Variants in SLC18A2 observed in about 807,000 individuals in gnomAD.
SLC18A2 encodes the protein solute carrier family 18 member A2.
SLC18A2 carries 33 observed loss-of-function variants against 59.2 expected under a neutral mutation model. That is an observed-to-expected ratio of 0.56 (90% CI 0.42 to 0.75). SLC18A2 has a LOEUF of 0.75. Ranked by LOEUF, SLC18A2 falls within the 30% of genes least tolerant of loss-of-function variation. The probability of loss-of-function intolerance (pLI) is 0.00; values close to 1 mark genes in which losing one functional copy is unlikely to be tolerated. For synonymous variants in SLC18A2, 228 were observed against 253.5 expected (o/e 0.90, Z 0.95); for missense variants, 569 against 668.6 (o/e 0.85, Z 1.64).
chr10:117,264,424 C>T (rs899178747), intron 10 of SLC18A2, among the ~76,000 whole-genome samples: 3 of 152,152 alleles, frequency 2.0e-5, no homozygotes, highest in Non-Finnish European at 2.9e-5. Flanking sequence ...TGCACTAAGC[C>T]GAGATCGTGC....
intron 3 of SLC18A2, among the ~76,000 whole-genome samples, chr10:117,250,383 C>A (rs1844149518): frequency 6.6e-6 from 1 of 152,186 alleles, no homozygotes; most frequent in Non-Finnish European, 1.5e-5. Context: ...TCAGCTTTCT[C>A]ATCTAAGGTG....
At chr10:117,259,705 A>G (rs1266818286) in intron 10 of SLC18A2, among the ~76,000 whole-genome samples, 2 of 152,092 alleles carry the variant, frequency 1.3e-5, no homozygotes, top group African/African-American at 4.8e-5. Flanking sequence ...GCTGTGGGGG[A>G]GGCCAGTGTT....
At chr10:117,259,722 A>G (rs943868190) in intron 10 of SLC18A2, among the ~76,000 whole-genome samples, 2 of 152,178 alleles carry the variant, frequency 1.3e-5, no homozygotes, top group South Asian at 4.1e-4. Context: ...TGTTGCCCTC[A>G]TTCCTGAGCC....
intron 10 of SLC18A2, among the ~76,000 whole-genome samples, chr10:117,262,766 C>T (rs1011982055): frequency 2.6e-5 from 4 of 151,944 alleles, no homozygotes; most frequent in African/African-American, 9.7e-5. Flanking sequence ...ACCTCCTGGG[C>T]TCAAGCTGTC....
Position 117,254,558 on chromosome 10 carries a change from G to A in SLC18A2, c.700+61G>A, listed in dbSNP as rs975014030. On this transcript the variant is annotated intron_variant, in intron 6 of 15. Coordinates refer to ENST00000644641, the MANE Select transcript of SLC18A2 (RefSeq NM_003054.6). Reference sequence around the variant, plus strand: ...GGGGCCTGCCTGGTGCTGGACAGCGGCAGTCCTCGCCCAGTGACCCTGGCG... The same window carrying A: ...GGGGCCTGCCTGGTGCTGGACAGCGACAGTCCTCGCCCAGTGACCCTGGCG... 55 of 1,263,432 alleles carry A rather than the reference G, an allele frequency of 4.4e-5. No homozygotes were observed. In the East Asian group the frequency reaches 4.5e-4, roughly 10 times the overall value. 78.3% of individuals were successfully genotyped at this position (1,263,432 alleles called of 1,614,324 possible). A position where few individuals can be genotyped will look rare whatever the true frequency, so the allele number is the denominator to read the frequency against.
intron 3 of SLC18A2, among the ~76,000 whole-genome samples, chr10:117,246,742 T>G (rs1050955063): frequency 1.3e-5 from 2 of 152,098 alleles, no homozygotes; most frequent in Non-Finnish European, 2.9e-5. Flanking sequence ...AACCTCCACC[T>G]CCTGGGTTCA....
chr10:117,250,254 G>A (rs574942205), intron 3 of SLC18A2, among the ~76,000 whole-genome samples: 1 of 152,298 alleles, frequency 6.6e-6, no homozygotes, highest in South Asian at 2.1e-4. Flanking sequence ...GGCTTGGCCT[G>A]TGTTGAAAGT....
rs1844521535 is a variant in SLC18A2, at chr10:117,277,826, T to G, written c.*560T>G. 6.6e-6 allele frequency: 1 copy of G among 152,260 alleles called. No individual in the cohort carries two copies. The highest frequency in any genetic ancestry group is 2.4e-5 in the African/African-American group (1 of 41,474). The allele number at this position is 152,260 out of a possible 1,614,324, so 9.4% of individuals were successfully genotyped here. On this transcript the variant is annotated 3_prime_UTR_variant, in exon 16 of 16. Coordinates refer to ENST00000644641, the MANE Select transcript of SLC18A2 (RefSeq NM_003054.6). ...CTCAAGTGTAGAGGACAAGAACTTG[T>G]GTCAGTTATCTTTTGAATCCATAAA...
intron 10 of SLC18A2, among the ~76,000 whole-genome samples, chr10:117,261,918 T>G (rs184679235): frequency 4.1e-4 from 63 of 152,048 alleles, no homozygotes; most frequent in Non-Finnish European, 7.1e-4. Context: ...TGAATTTTGT[T>G]TTTTTTTGAG....
intron 10 of SLC18A2, among the ~76,000 whole-genome samples, chr10:117,261,223 A>AGC (rs1844290813): frequency 6.6e-6 from 1 of 150,824 alleles, no homozygotes; most frequent in African/African-American, 2.5e-5. Context: ...AACAAAACAA[A>AGC]AAACCCAAAA....
intron 10 of SLC18A2, among the ~76,000 whole-genome samples, chr10:117,264,308 C>T (rs956823844): frequency 2.0e-5 from 3 of 152,218 alleles, no homozygotes; most frequent in African/African-American, 7.2e-5. Flanking sequence ...TCGGGAGAAG[C>T]CCTAGAAAGA....
intron 10 of SLC18A2, among the ~76,000 whole-genome samples, chr10:117,261,474 A>G (rs1480416000): frequency 2.0e-5 from 3 of 152,144 alleles, no homozygotes; most frequent in African/African-American, 7.2e-5. Flanking sequence ...TTCTTTTTAT[A>G]GTTCTTTCAA....
rs1046564011 is a variant in SLC18A2 at position 117,269,357 on chromosome 10, CATAT to C, written c.1187-712_1187-709del. Among the ~76,000 whole-genome samples, 1 of 152,050 alleles carries C rather than the reference CATAT, an allele frequency of 6.6e-6. No homozygotes were observed. The highest frequency in any genetic ancestry group is 2.4e-5 in the African/African-American group (1 of 41,400). On this transcript the variant is annotated intron_variant, in intron 13 of 15. Coordinates refer to ENST00000644641, the MANE Select transcript of SLC18A2 (RefSeq NM_003054.6). The surrounding 1 kb of genome is among the most constrained non-coding windows in gnomAD (Gnocchi z 5.1). Reference sequence around the variant, plus strand: ...ATACACATACACACATGCATACACACATATACATAGACATACACAGATACATATA... The same window carrying C: ...ATACACATACACACATGCATACACACACATAGACATACACAGATACATATA...
In SLC18A2 at chr10:117,269,339, TACAC is replaced by T. The variant is rs1844396506; in HGVS notation, c.1187-728_1187-725del. On this transcript the variant is annotated intron_variant, in intron 13 of 15. Coordinates refer to ENST00000644641, the MANE Select transcript of SLC18A2 (RefSeq NM_003054.6). The surrounding 1 kb of genome is among the most constrained non-coding windows in gnomAD (Gnocchi z 5.1). ...CATATATACATATACATAATACACA[TACAC>T]ACATGCATACACACATATACATAGA... is the stretch of plus-strand genomic sequence containing the variant. Among the ~76,000 whole-genome samples the T allele has an allele frequency of 6.6e-6, 1 of 150,506 alleles. No homozygotes were observed. The highest frequency in any genetic ancestry group is 1.5e-5 in the Non-Finnish European group (1 of 67,516).
At chr10:117,262,209 G>C (rs1565006496) in intron 10 of SLC18A2, among the ~76,000 whole-genome samples, 1 of 151,904 alleles carries the variant, frequency 6.6e-6, no homozygotes, top group Non-Finnish European at 1.5e-5. Flanking sequence ...CCTGCCCAAA[G>C]GGTGAATTTT....
chr10:117,264,580 G>A (rs534707777), intron 10 of SLC18A2, among the ~76,000 whole-genome samples: 9 of 152,190 alleles, frequency 5.9e-5, no homozygotes, highest in Non-Finnish European at 1.2e-4. Flanking sequence ...CTGCCTTCTA[G>A]ATGGAGTCTG....
chr10:117,249,602 T>G (rs1041018317), intron 3 of SLC18A2, among the ~76,000 whole-genome samples: 1 of 152,230 alleles, frequency 6.6e-6, no homozygotes, highest in Non-Finnish European at 1.5e-5. Flanking sequence ...GTCTGTATGC[T>G]TCTTGTAATT....
intron 10 of SLC18A2, 103 bp from the exon 11 acceptor site, chr10:117,266,630 G>C: frequency 3.2e-6 from 3 of 936,780 alleles, no homozygotes; most frequent in South Asian, 3.3e-5. Context: ...CCGGGGCTTC[G>C]TTTTATCTGC....
rs951828414 is a variant in SLC18A2 at position 117,244,159 on chromosome 10, C to T, written c.310C>T (p.Gln104Ter). 1 of 1,614,114 alleles carries T rather than the reference C, an allele frequency of 6.2e-7. No homozygotes were observed. ...RDLTLHQTAT[Q>*]HMVTNASAVP... ...CCTGACACTTCATCAGACCGCCACA[C>T]AGCACATGGTGACCAACGCGTCCGC... Residue 104 changes from glutamine to a stop codon, truncating the protein, a stop_gained, in exon 3 of 16, where the codon CAG becomes TAG. Transcript: ENST00000644641. LOFTEE classifies it high-confidence loss of function.
Sources: allele counts gnomAD v4.1 joint callset (sites outside exome capture counted in the v4.1 genomes callset), GRCh38; gene constraint gnomAD v4.1.1; non-coding constraint Gnocchi (gnomAD v3.1); transcripts MANE v1.5; gene names NCBI Gene and HGNC (gene_info 2026-07-23, HGNC 2026-07-21).